The following NUP210 variants were observed in gnomAD, a reference collection of about 807,000 sequenced individuals.
NUP210 encodes nucleoporin 210, also known as nuclear pore membrane glycoprotein 210.
Under a neutral mutation model 196.0 loss-of-function variants are expected in NUP210, and 151 were observed. That is an observed-to-expected ratio of 0.77 (90% confidence interval 0.67 to 0.88). The LOEUF is 0.88. Among genes scored for constraint, NUP210 ranks in the 40% least tolerant of loss-of-function variants. The pLI, the probability that NUP210 is intolerant of heterozygous loss-of-function variation, is 0.00. For missense variants in NUP210, 2,314 were observed against 2,493.7 expected (o/e 0.93, Z 1.53); for synonymous variants, 1,070 against 1,052.7 (o/e 1.02, Z -0.32).
rs115605059 is a variant in NUP210 at position 13,389,721 on chromosome 3, C to A, written c.534-1268G>T. ...AGAGGAACCACCACATCCCCAACAT[C>A]CCCTACAGCCCAGAGCAGGACTTTA... is the stretch of plus-strand genomic sequence containing the variant. On this transcript the variant is annotated intron_variant, in intron 4 of 39. Coordinates refer to ENST00000254508, the MANE Select transcript of NUP210 (RefSeq NM_024923.4). Among the ~76,000 whole-genome samples the A allele has an allele frequency of 1.9e-3, 291 of 152,260 alleles. 2 individuals carry two copies. Among genetic ancestry groups the A allele is most frequent in the African/African-American group, 6.7e-3 (277 of 41,532 alleles).
intron 3 of NUP210, among the ~76,000 whole-genome samples, chr3:13,393,855 C>T (rs1421553983): frequency 2.6e-5 from 4 of 152,216 alleles, no homozygotes; most frequent in African/African-American, 9.6e-5. Flanking sequence ...GCCAGGGATC[C>T]AGTCTCCAGA....
In NUP210 at chr3:13,316,708, T is replaced by A. The variant is rs540977985; in HGVS notation, c.*973A>T. 2 of 152,264 alleles carry A rather than the reference T, an allele frequency of 1.3e-5. No individual in the cohort carries two copies. 9.4% of individuals were successfully genotyped at this position (152,264 alleles called of 1,614,324 possible). A position where few individuals can be genotyped will look rare whatever the true frequency, so the allele number is the denominator to read the frequency against. On this transcript the variant is annotated 3_prime_UTR_variant, in exon 40 of 40. Transcript: ENST00000254508. Reference sequence around the variant, plus strand: ...GTCTGGGGCCCTGCGCCTGATGAGCTGCCATGAAAGTGGCCGCCTCTCACA... The same window carrying A: ...GTCTGGGGCCCTGCGCCTGATGAGCAGCCATGAAAGTGGCCGCCTCTCACA...
intron 35 of NUP210, 132 bp downstream of exon 35, chr3:13,322,061 C>T (rs540943872): frequency 7.9e-7 from 1 of 1,262,928 alleles, no homozygotes; most frequent in African/African-American, 1.5e-5. Context: ...CGTCAATCCC[C>T]AGGCTGGGCT....
At position 13,322,340 on chromosome 3, in the gene NUP210, C is replaced by T; in HGVS notation, c.4769-1G>A. 6.2e-7 allele frequency: 1 copy of T among 1,614,154 alleles called. No individual in the cohort carries two copies. Among genetic ancestry groups the T allele is most frequent in the Non-Finnish European group, 8.5e-7 (1 of 1,180,026 alleles). On this transcript the variant is annotated splice_acceptor_variant, in intron 34 of 39. Coordinates refer to ENST00000254508, the MANE Select transcript of NUP210 (RefSeq NM_024923.4). LOFTEE classifies it high-confidence loss of function. ...TCCCTCTGGGTGGGGGTGCACTCGC[C>T]TAGAGAGGGGAGAGACGAGAGGGTG...
At chr3:13,326,597 T>A (rs896952760) in intron 32 of NUP210, among the ~76,000 whole-genome samples, 2 of 152,256 alleles carry the variant, frequency 1.3e-5, no homozygotes, top group Admixed American at 1.3e-4. Context: ...TGTACACGTG[T>A]TCCACAGATG....
In NUP210 at chr3:13,375,748, G is replaced by A. The variant is rs1698882849; in HGVS notation, c.1294-107C>T. 1.5e-5 allele frequency: 19 copies of A among 1,226,754 alleles called. No homozygotes were observed. The East Asian group carries it at 1.9e-4, about 12-fold the overall frequency. The allele number at this position is 1,226,754 out of a possible 1,614,324, so 76.0% of individuals were successfully genotyped here. On this transcript the variant is annotated intron_variant, in intron 10 of 39. Transcript: ENST00000254508. ...CCCTGGGGATCGGGTCACAAAGGTGGATTTGGGGGAAGAGTGGAGAGGAAG... is the reference window on the plus strand; with the variant it reads ...CCCTGGGGATCGGGTCACAAAGGTGAATTTGGGGGAAGAGTGGAGAGGAAG...
rs561288486 is a variant in NUP210 at position 13,355,522 on chromosome 3, C to T, written c.2329-1415G>A. Among the ~76,000 whole-genome samples the T allele has an allele frequency of 6.6e-5, 10 of 152,346 alleles. No individual in the cohort carries two copies. The East Asian group carries it at 1.7e-3, about 27-fold the overall frequency. ...GGTGAGCTTGTGCCATGTGAAGCTA[C>T]GGGATGTGGGCTTGTTTGCCATGGC... On this transcript the variant is annotated intron_variant, in intron 16 of 39. Transcript: ENST00000254508.
Position 13,323,242 on chromosome 3 carries a change from A to G in NUP210, c.4768+67T>C. On this transcript the variant is annotated intron_variant, in intron 34 of 39. Transcript: ENST00000254508. The surrounding 1 kb of genome is among the most constrained non-coding windows in gnomAD (Gnocchi z 4.3). ...GGAGAAGCAGATAAACTCCATCCAGAGGACACAGGAAGCCACCTCCCCGCT... is the reference window on the plus strand; with the variant it reads ...GGAGAAGCAGATAAACTCCATCCAGGGGACACAGGAAGCCACCTCCCCGCT... 6.2e-7 allele frequency: 1 copy of G among 1,600,330 alleles called. No individual in the cohort carries two copies.
intron 26 of NUP210, 89 bp downstream of exon 26, chr3:13,337,748 A>G: frequency 8.3e-7 from 1 of 1,205,618 alleles, no homozygotes; most frequent in Non-Finnish European, 1.2e-6. Flanking sequence ...AGGCAGATGG[A>G]GGAGGTGGAG....
At chr3:13,330,201 G>A (rs537873489) in intron 30 of NUP210, among the ~76,000 whole-genome samples, 31 of 152,334 alleles carry the variant, frequency 2.0e-4, no homozygotes, top group Admixed American at 1.7e-3. Context: ...GTAACCTTAC[G>A]CCAATCATGG....
chr3:13,369,850 G>T (rs576746829), intron 13 of NUP210, among the ~76,000 whole-genome samples: 4 of 152,336 alleles, frequency 2.6e-5, no homozygotes, highest in African/African-American at 9.6e-5. Flanking sequence ...ACCCAAGAGG[G>T]CAAGGCAGAA....
chr3:13,322,210 T>C lies in NUP210; in HGVS notation c.4898A>G (p.Gln1633Arg). Residue 1633 changes from glutamine to arginine, a missense_variant, in exon 35 of 40, where the codon CAG becomes CGG. By Grantham distance (43) the Gln-to-Arg change is conservative. Transcript: ENST00000254508. Reference protein sequence around the residue: ...PSQDVFTVEPQFDTALGQYFC... With the variant: ...PSQDVFTVEPRFDTALGQYFC... ...GCAATTACCGAGAGCAGTGTCAAAC[T>C]GTGGCTCCACGGTGAACACATCTTG... is the stretch of plus-strand genomic sequence containing the variant. 6.2e-7 allele frequency: 1 copy of C among 1,614,220 alleles called. No homozygotes were observed. The highest frequency in any genetic ancestry group is 1.7e-5 in the Admixed American group (1 of 60,030).
chr3:13,392,874 C>T (rs555458221), intron 3 of NUP210, among the ~76,000 whole-genome samples: 1 of 151,740 alleles, frequency 6.6e-6, no homozygotes, highest in African/African-American at 2.4e-5. Context: ...CCCAGCAGGC[C>T]GGCTTTGCAG....
chr3:13,417,454 C>T (rs993402409), intron 1 of NUP210, among the ~76,000 whole-genome samples: 1 of 152,208 alleles, frequency 6.6e-6, no homozygotes, highest in African/African-American at 2.4e-5. Context: ...TGGCAGAATT[C>T]TCATTTTCTT....
At position 13,318,063 on chromosome 3, in the gene NUP210, A is replaced by C. The variant is rs373300987; in HGVS notation, c.5564-282T>G. Among the ~76,000 whole-genome samples, 42 of 152,338 alleles carry C rather than the reference A, an allele frequency of 2.8e-4. 4 individuals are homozygous for C. The highest frequency in any genetic ancestry group is 2.3e-3 in the South Asian group (11 of 4,826). Reference sequence around the variant, plus strand: ...CCACAGCAGCATCTGTCCAGGGGGCATGAGGCAGGGAGGCCCCGTGCATCT... The same window carrying C: ...CCACAGCAGCATCTGTCCAGGGGGCCTGAGGCAGGGAGGCCCCGTGCATCT... On this transcript the variant is annotated intron_variant, in intron 39 of 39. Coordinates refer to ENST00000254508, the MANE Select transcript of NUP210 (RefSeq NM_024923.4).
intron 20 of NUP210, 126 bp downstream of exon 20, chr3:13,351,753 C>T (rs907030439): frequency 6.0e-6 from 4 of 669,400 alleles, no homozygotes; most frequent in Non-Finnish European, 1.0e-5. Flanking sequence ...CTGCCTTGAC[C>T]TCCCAAAGTT....
At position 13,331,602 on chromosome 3, in the gene NUP210, G is replaced by A. The variant is rs1017730141; in HGVS notation, c.3935+691C>T. On this transcript the variant is annotated intron_variant, in intron 29 of 39. Transcript: ENST00000254508. The stretch of plus-strand genomic sequence containing the variant: ...TAGCCTTCTCCTGCTACCCTCCTCC[G>A]GGGCACCCTATGTCACCCATATCTG... Among the ~76,000 whole-genome samples the A allele has an allele frequency of 3.3e-5, 5 of 152,176 alleles. 1 individual carries two copies. In the Middle Eastern group the frequency reaches 0.01, roughly 311 times the overall value.
intron 16 of NUP210, among the ~76,000 whole-genome samples, chr3:13,356,515 T>C (rs953425240): frequency 6.6e-6 from 1 of 152,134 alleles, no homozygotes; most frequent in African/African-American, 2.4e-5. Context: ...TGGTGGCGCA[T>C]GCCTGTAATC....
chr3:13,396,715 G>A (rs1390553075), intron 3 of NUP210, among the ~76,000 whole-genome samples: 2 of 124,986 alleles, frequency 1.6e-5, no homozygotes, highest in South Asian at 2.6e-4. Flanking sequence ...AGCCAAGATC[G>A]CACCACTGCA....
Sources: allele counts gnomAD v4.1 joint callset (sites outside exome capture counted in the v4.1 genomes callset), GRCh38; gene constraint gnomAD v4.1.1; non-coding constraint Gnocchi (gnomAD v3.1); transcripts MANE v1.5; gene names NCBI Gene and HGNC (gene_info 2026-07-23, HGNC 2026-07-21).